CACNA2D3: variants seen among roughly 807,000 people sequenced by gnomAD.
CACNA2D3 encodes voltage-dependent calcium channel subunit alpha-2/delta-3.
Under a neutral mutation model 160.6 loss-of-function variants are expected in CACNA2D3, and 60 were observed. The observed-to-expected ratio is 0.37, with a 90% CI of 0.30 to 0.46. The LOEUF is 0.46. Ranked by LOEUF, CACNA2D3 falls within the 20% of genes least tolerant of loss-of-function variation. CACNA2D3 has a pLI of 1.00. For synonymous variants in CACNA2D3, 558 were observed against 492.9 expected (o/e 1.13, Z -1.75); for missense variants, 1,205 against 1,365.0 (o/e 0.88, Z 1.85).
At chr3:54,170,998 G>T (rs780863559) in intron 2 of CACNA2D3, among the ~76,000 whole-genome samples, 19 of 152,014 alleles carry the variant, frequency 1.2e-4, no homozygotes, top group African/African-American at 4.3e-4. Context: ...GGGCCTGACC[G>T]TCCGACTCAG....
intron 11 of CACNA2D3, among the ~76,000 whole-genome samples, chr3:54,741,976 G>T (rs181952161): frequency 2.0e-5 from 3 of 151,670 alleles, no homozygotes; most frequent in African/African-American, 7.3e-5. Flanking sequence ...TACTGCCCCC[G>T]ACAATTCAGT....
intron 13 of CACNA2D3, among the ~76,000 whole-genome samples, chr3:54,814,446 C>A (rs149270831): frequency 6.6e-6 from 1 of 152,198 alleles, no homozygotes; most frequent in Non-Finnish European, 1.5e-5. Flanking sequence ...GGGCCCTGCA[C>A]GCAAGTCATG....
intron 17 of CACNA2D3, among the ~76,000 whole-genome samples, chr3:54,866,293 A>G (rs761441562): frequency 2.0e-5 from 3 of 152,218 alleles, no homozygotes; most frequent in Non-Finnish European, 4.4e-5. Flanking sequence ...TTGCATATGG[A>G]GGAGTAAGGC....
intron 4 of CACNA2D3, among the ~76,000 whole-genome samples, chr3:54,431,357 TAAA>T (rs1346195598): frequency 6.6e-6 from 1 of 151,056 alleles, no homozygotes; most frequent in Non-Finnish European, 1.5e-5. Context: ...AGAAAAATCA[TAAA>T]GAAGATAAAA....
At chr3:54,965,792 A>T (rs959247797) in intron 27 of CACNA2D3, among the ~76,000 whole-genome samples, 1 of 152,212 alleles carries the variant, frequency 6.6e-6, no homozygotes, top group African/African-American at 2.4e-5. Flanking sequence ...AAACTAGCAG[A>T]ACAATTGCAG....
chr3:54,259,434 A>G (rs554122371), intron 2 of CACNA2D3, among the ~76,000 whole-genome samples: 2 of 152,336 alleles, frequency 1.3e-5, no homozygotes, highest in Admixed American at 6.5e-5. Context: ...TACAGATTTA[A>G]TAGAAAAAAA....
intron 2 of CACNA2D3, among the ~76,000 whole-genome samples, chr3:54,149,247 T>C (rs1576959808): frequency 6.8e-6 from 1 of 147,136 alleles, no homozygotes; most frequent in East Asian, 2.0e-4. Flanking sequence ...CCCTAATCAC[T>C]ACAGCAAGGG....
chr3:54,622,080 G>A (rs1280892356), intron 9 of CACNA2D3, among the ~76,000 whole-genome samples: 1 of 152,132 alleles, frequency 6.6e-6, no homozygotes, highest in Non-Finnish European at 1.5e-5. Context: ...AACAGGAATT[G>A]GAAGGAAGTC....
At chr3:54,863,620 C>CCACA (rs1359229057) in intron 17 of CACNA2D3, among the ~76,000 whole-genome samples, 1 of 152,146 alleles carries the variant, frequency 6.6e-6, no homozygotes. Context: ...CGCCTCCTCC[C>CCACA]CACACACAGT....
chr3:54,234,932 G>A (rs2107398467), intron 2 of CACNA2D3, among the ~76,000 whole-genome samples: 1 of 152,224 alleles, frequency 6.6e-6, no homozygotes, highest in East Asian at 1.9e-4. Context: ...CCTGGGTGAT[G>A]AAATAATATG....
At chr3:54,217,669 C>G (rs1701485598) in intron 2 of CACNA2D3, among the ~76,000 whole-genome samples, 1 of 152,016 alleles carries the variant, frequency 6.6e-6, no homozygotes, top group South Asian at 2.1e-4. Context: ...CCAGCAGCCA[C>G]CAGAAGCTGG....
intron 11 of CACNA2D3, among the ~76,000 whole-genome samples, chr3:54,740,092 G>A (rs933152862): frequency 2.6e-5 from 4 of 151,962 alleles, no homozygotes; most frequent in Non-Finnish European, 5.9e-5. Flanking sequence ...GGTAACACAA[G>A]TCAGTTGTCA....
chr3:54,556,851 C>G (rs1184604587), intron 5 of CACNA2D3, among the ~76,000 whole-genome samples: 2 of 152,210 alleles, frequency 1.3e-5, no homozygotes, highest in East Asian at 1.9e-4. Flanking sequence ...TGACGTTTGC[C>G]TGCTCCCCAT....
chr3:54,331,709 T>A (rs1704260572), intron 3 of CACNA2D3, among the ~76,000 whole-genome samples: 1 of 152,198 alleles, frequency 6.6e-6, no homozygotes, highest in Non-Finnish European at 1.5e-5. Context: ...GGACATGGAA[T>A]CTTTCTTTTT....
At chr3:54,214,406 A>G (rs892231747) in intron 2 of CACNA2D3, among the ~76,000 whole-genome samples, 4 of 152,040 alleles carry the variant, frequency 2.6e-5, no homozygotes, top group African/African-American at 9.7e-5. Flanking sequence ...TTGCATCACA[A>G]CCTTCGAGGG....
At chr3:54,270,863 A>G (rs898903825) in intron 2 of CACNA2D3, among the ~76,000 whole-genome samples, 1 of 152,192 alleles carries the variant, frequency 6.6e-6, no homozygotes, top group East Asian at 1.9e-4. Flanking sequence ...TCCATCTTCA[A>G]AACAGTGCAC....
intron 10 of CACNA2D3, among the ~76,000 whole-genome samples, chr3:54,633,126 G>A (rs1699282805): frequency 2.0e-5 from 3 of 152,180 alleles, no homozygotes. Flanking sequence ...ACTGCCCTGT[G>A]ACCCTGAAAC....
At chr3:54,626,710 G>GAAAAAAAA in intron 9 of CACNA2D3, 1 of 633,412 alleles carries the variant, frequency 1.6e-6, no homozygotes, top group African/African-American at 2.8e-5. Flanking sequence ...AAAAAAAAAA[G>GAAAAAAAA]AAAGAAAAAG....
chr3:54,614,005 C>T (rs1698797897), intron 9 of CACNA2D3, among the ~76,000 whole-genome samples: 1 of 152,210 alleles, frequency 6.6e-6, no homozygotes, highest in Non-Finnish European at 1.5e-5. Flanking sequence ...ATTGAGATCT[C>T]TCTCCACTGG....
Sources: gnomAD v4.1 joint callset for allele counts (sites outside exome capture counted in the v4.1 genomes callset) on GRCh38, gnomAD v4.1.1 for gene constraint, MANE v1.5 for transcripts, NCBI Gene and HGNC (gene_info 2026-07-23, HGNC 2026-07-21) for gene names.